The following PCDHGB2 variants were observed in gnomAD, a reference collection of about 807,000 sequenced individuals.
The protein encoded by PCDHGB2 is protocadherin gamma subfamily B, 2, also known as protocadherin gamma-B2.
Under a neutral mutation model 59.3 loss-of-function variants are expected in PCDHGB2, and 55 were observed. That is an observed-to-expected ratio of 0.93 (90% CI 0.75 to 1.16). PCDHGB2 has a LOEUF of 1.16. Ranked by LOEUF, PCDHGB2 falls within the 50% of genes most tolerant of loss-of-function variation. PCDHGB2 has a pLI of 0.00. For synonymous variants in PCDHGB2, 516 were observed against 512.0 expected (o/e 1.01, Z -0.11); for missense variants, 1,228 against 1,198.5 (o/e 1.02, Z -0.36).
chr5:141,420,242 A>T (rs1241562871), intron 1 of PCDHGB2: 1 of 1,586,666 alleles, frequency 6.3e-7, no homozygotes, highest in Non-Finnish European at 8.6e-7. Context: ...TTTAACTCCC[A>T]GCGTTGAAGC....
chr5:141,379,993 G>A (rs922146667), intron 1 of PCDHGB2, among the ~76,000 whole-genome samples: 21 of 143,096 alleles, frequency 1.5e-4, no homozygotes, highest in Middle Eastern at 3.8e-3. Context: ...TCCTCCTCCT[G>A]GGTTCAAGCG....
chr5:141,477,656 C>A lies in PCDHGB2; in HGVS notation c.2422-17151C>A. ...AGTGGGTCGCTATTTCACAATAAAT[C>A]GTGACAATGGCATAGTGTCATCCTT... On this transcript the variant is annotated intron_variant, in intron 1 of 3. Transcript: ENST00000522605. The surrounding 1 kb of genome is among the most constrained non-coding windows in gnomAD (Gnocchi z 4.9). 1 of 1,614,184 alleles carries A rather than the reference C, an allele frequency of 6.2e-7. No homozygotes were observed.
chr5:141,375,257 T>C, intron 1 of PCDHGB2: 1 of 1,613,890 alleles, frequency 6.2e-7, no homozygotes, highest in Middle Eastern at 1.6e-4. Flanking sequence ...AAGTCTCCCA[T>C]TTGAATTGGA....
At chr5:141,465,983 A>G (rs1219092160) in intron 1 of PCDHGB2, among the ~76,000 whole-genome samples, 1 of 151,944 alleles carries the variant, frequency 6.6e-6, no homozygotes, top group East Asian at 1.9e-4. Context: ...TTAGCCGGGC[A>G]TGGTGGCAGG....
intron 1 of PCDHGB2, chr5:141,375,919 C>T: frequency 1.2e-6 from 2 of 1,613,730 alleles, no homozygotes; most frequent in East Asian, 2.2e-5. Context: ...TCAAGGCCAG[C>T]GAGCCAGGAC....
rs903741318 is a variant in PCDHGB2, at chr5:141,454,939, C to G, written c.2422-39868C>G. On this transcript the variant is annotated intron_variant, in intron 1 of 3. Coordinates refer to ENST00000522605, the MANE Select transcript of PCDHGB2 (RefSeq NM_018923.3). ...TCTCCTGCCTCAGCCTCCCGAGTAG[C>G]TGGGACTACAGGCGCCGGCCACCAC... 6.0e-5 allele frequency among the ~76,000 whole-genome samples: 9 copies of G among 150,982 alleles called. No homozygotes were observed. The East Asian group carries it at 1.8e-3, about 30-fold the overall frequency.
chr5:141,420,123 G>A (rs1335693841), intron 1 of PCDHGB2: 1 of 1,613,968 alleles, frequency 6.2e-7, no homozygotes, highest in Non-Finnish European at 8.5e-7. Flanking sequence ...TATAATTTTT[G>A]TGTGCCTGGG....
intron 1 of PCDHGB2, chr5:141,389,731 G>C (rs761645703): frequency 6.2e-7 from 1 of 1,612,688 alleles, no homozygotes; most frequent in Non-Finnish European, 8.5e-7. Context: ...GGGCTCTTCA[G>C]CCTGGGGCTG....
In PCDHGB2 at chr5:141,409,757, G is replaced by T. The variant is rs376391018; in HGVS notation, c.2421+47201G>T. On this transcript the variant is annotated intron_variant, in intron 1 of 3. Coordinates refer to ENST00000522605, the MANE Select transcript of PCDHGB2 (RefSeq NM_018923.3). ...GAGCGGGGTGGTGTTCGCGCAGCGC[G>T]CCTTTGATCACGAGCAGCTGCGCGC... is the stretch of plus-strand genomic sequence containing the variant. 5 of 1,612,868 alleles carry T rather than the reference G, an allele frequency of 3.1e-6. No homozygotes were observed. In the East Asian group the frequency reaches 6.7e-5, roughly 22 times the overall value.
In PCDHGB2 at chr5:141,485,146, G is replaced by C; in HGVS notation, c.2422-9661G>C. 6.4e-7 allele frequency: 1 copy of C among 1,569,470 alleles called. No individual in the cohort carries two copies. Among genetic ancestry groups the C allele is most frequent in the Non-Finnish European group, 8.7e-7 (1 of 1,143,568 alleles). On this transcript the variant is annotated intron_variant, in intron 1 of 3. Transcript: ENST00000522605. The surrounding 1 kb of genome is among the most constrained non-coding windows in gnomAD (Gnocchi z 5.7). Reference sequence around the variant, plus strand: ...GGTCGGCTTCATCCGCGTCTCAGGAGCAAGTAGAGAATTAGCGGGCGGCAG... The same window carrying C: ...GGTCGGCTTCATCCGCGTCTCAGGACCAAGTAGAGAATTAGCGGGCGGCAG...
chr5:141,367,183 G>A lies in PCDHGB2; in HGVS notation c.2421+4627G>A, dbSNP rs190214885. On this transcript the variant is annotated intron_variant, in intron 1 of 3. Coordinates refer to ENST00000522605, the MANE Select transcript of PCDHGB2 (RefSeq NM_018923.3). Reference sequence around the variant, plus strand: ...TTAGTCTACCTGAAATTTGTTTAAGGAAATAATTTACAGTATTTACATAAA... The same window carrying A: ...TTAGTCTACCTGAAATTTGTTTAAGAAAATAATTTACAGTATTTACATAAA... 1.5e-3 allele frequency: 236 copies of A among 158,878 alleles called. 2 individuals carry two copies. The Middle Eastern group carries it at 0.027, about 18-fold the overall frequency. The allele number at this position is 158,878 out of a possible 1,614,324, so 9.8% of individuals were successfully genotyped here.
chr5:141,456,427 T>A (rs1156577293), intron 1 of PCDHGB2, among the ~76,000 whole-genome samples: 1 of 152,166 alleles, frequency 6.6e-6, no homozygotes, highest in East Asian at 1.9e-4. Context: ...ATTCAAGTTA[T>A]AGTATTGAGT....
intron 1 of PCDHGB2, among the ~76,000 whole-genome samples, chr5:141,373,744 G>C (rs10061034): frequency 0.027 from 4,169 of 152,204 alleles, 185 homozygotes; most frequent in African/African-American, 0.096. Flanking sequence ...TCATTATCTT[G>C]GGGAGGGAAA....
intron 1 of PCDHGB2, among the ~76,000 whole-genome samples, chr5:141,471,076 T>C (rs1463083616): frequency 1.5e-5 from 2 of 136,094 alleles, no homozygotes; most frequent in Non-Finnish European, 3.1e-5. Context: ...TGAGACAGGG[T>C]CTCCCTCTGT....
chr5:141,466,612 C>T (rs141916895), intron 1 of PCDHGB2, among the ~76,000 whole-genome samples: 1 of 152,262 alleles, frequency 6.6e-6, no homozygotes, highest in East Asian at 1.9e-4. Flanking sequence ...TTGTAAACTG[C>T]CGTTTTCTTT....
intron 1 of PCDHGB2, chr5:141,427,927 T>C (rs1238523389): frequency 6.3e-7 from 1 of 1,580,112 alleles, no homozygotes; most frequent in Non-Finnish European, 8.7e-7. Context: ...AGCCGGCGCA[T>C]GTTGGTGGGC....
chr5:141,403,434 A>G, intron 1 of PCDHGB2: 1 of 1,614,024 alleles, frequency 6.2e-7, no homozygotes, highest in Non-Finnish European at 8.5e-7. Flanking sequence ...ATTGATCCGG[A>G]TGTTGGCGTG....
chr5:141,364,408 A>G (rs573254227), intron 1 of PCDHGB2: 30 of 1,610,674 alleles, frequency 1.9e-5, no homozygotes, highest in Non-Finnish European at 2.4e-5. Flanking sequence ...TGTGCGAGCC[A>G]GGATCCGGGC....
chr5:141,383,369 C>G, intron 1 of PCDHGB2: 1 of 1,613,978 alleles, frequency 6.2e-7, no homozygotes, highest in Non-Finnish European at 8.5e-7. Flanking sequence ...TTAAGCGAGG[C>G]TGGGGATCCA....
Sources: allele counts gnomAD v4.1 joint callset (sites outside exome capture counted in the v4.1 genomes callset), GRCh38; gene constraint gnomAD v4.1.1; non-coding constraint Gnocchi (gnomAD v3.1); transcripts MANE v1.5; gene names NCBI Gene and HGNC (gene_info 2026-07-23, HGNC 2026-07-21).